Variants in GSKIP observed in about 807,000 individuals in gnomAD.
GSKIP encodes the protein GSK3B-interacting protein.
Under a neutral mutation model 11.9 loss-of-function variants are expected in GSKIP, and 5 were observed. The ratio of observed to expected loss-of-function variants is 0.42; its 90% CI spans 0.22 to 0.89. The LOEUF (loss-of-function observed/expected upper bound fraction) is 0.89. Ranked by LOEUF, GSKIP falls within the 40% of genes least tolerant of loss-of-function variation. GSKIP has a pLI of 0.29. For synonymous variants in GSKIP, 70 were observed against 62.9 expected (o/e 1.11, Z -0.54); for missense variants, 150 against 166.6 (o/e 0.90, Z 0.55).
intron 1 of GSKIP, among the ~76,000 whole-genome samples, chr14:96,371,442 CTTTTTTTTT>C (rs570686090): frequency 8.9e-6 from 1 of 112,800 alleles, no homozygotes; most frequent in Non-Finnish European, 1.8e-5. Context: ...TATCAACAAT[CTTTTTTTTT>C]TTTTTTTTTT....
chr14:96,367,722 A>G (rs1463546107), intron 1 of GSKIP, among the ~76,000 whole-genome samples: 1 of 152,268 alleles, frequency 6.6e-6, no homozygotes, highest in Non-Finnish European at 1.5e-5. Flanking sequence ...TGAATCCTCC[A>G]AAAACACAAA....
chr14:96,371,026 T>C (rs1218084080), intron 1 of GSKIP, among the ~76,000 whole-genome samples: 1 of 152,218 alleles, frequency 6.6e-6, no homozygotes, highest in Non-Finnish European at 1.5e-5. Context: ...TTTGTGATAC[T>C]ACACATGATT....
At position 96,385,665 on chromosome 14, in the gene GSKIP, A is replaced by C; in HGVS notation, c.401A>C (p.Lys134Thr). Residue 134 changes from lysine to threonine, a missense_variant, in exon 4 of 4, where the codon AAA (lysine) becomes ACA (threonine). Coordinates refer to ENST00000555181, the MANE Select transcript of GSKIP (RefSeq NM_016472.5). ...CTGCTTCAAAGACTGGAAGCTTTGA[A>C]AAGAGATGGACAGTCATGACTACAC... ...NALLQRLEALKRDGQS is the reference protein window; with the variant it reads ...NALLQRLEALTRDGQS The C allele has an allele frequency of 6.2e-7, 1 of 1,612,844 alleles. No homozygotes were observed. The highest frequency in any genetic ancestry group is 8.5e-7 in the Non-Finnish European group (1 of 1,179,576).
At chr14:96,379,353 A>G (rs1211363632) in intron 1 of GSKIP, among the ~76,000 whole-genome samples, 1 of 152,142 alleles carries the variant, frequency 6.6e-6, no homozygotes, top group Non-Finnish European at 1.5e-5. Flanking sequence ...TAGTTTGAAG[A>G]GTCTGTATCT....
At chr14:96,380,946 A>G (rs1332757299) in intron 2 of GSKIP, among the ~76,000 whole-genome samples, 2 of 152,204 alleles carry the variant, frequency 1.3e-5, no homozygotes, top group Non-Finnish European at 2.9e-5. Flanking sequence ...GACCTTGACC[A>G]CAGTGCCCAA....
chr14:96,380,639 T>C (rs1352938644), intron 2 of GSKIP, among the ~76,000 whole-genome samples: 3 of 152,226 alleles, frequency 2.0e-5, no homozygotes, highest in Admixed American at 6.5e-5. Context: ...GAAATAGCAA[T>C]GGACTGTGCA....
intron 1 of GSKIP, among the ~76,000 whole-genome samples, chr14:96,370,840 T>G (rs933897301): frequency 6.6e-6 from 1 of 152,192 alleles, no homozygotes; most frequent in Middle Eastern, 3.2e-3. Context: ...GCCTCACATA[T>G]TTCTTTACAG....
intron 1 of GSKIP, among the ~76,000 whole-genome samples, chr14:96,367,223 T>C (rs2139926715): frequency 6.6e-6 from 1 of 152,366 alleles, no homozygotes; most frequent in South Asian, 2.1e-4. Flanking sequence ...AGGTAGATGC[T>C]ATTTTAACAT....
intron 2 of GSKIP, 62 bp from the exon 3 acceptor site, chr14:96,382,185 T>G: frequency 8.7e-7 from 1 of 1,153,436 alleles, no homozygotes. Context: ...TTTAATCAAA[T>G]GTAGTAGTTT....
At position 96,382,237 on chromosome 14, in the gene GSKIP, T is replaced by C. The variant is rs544358651; in HGVS notation, c.-1-10T>C. On this transcript the variant is annotated splice_polypyrimidine_tract_variant and intron_variant, in intron 2 of 3. Coordinates refer to ENST00000555181, the MANE Select transcript of GSKIP (RefSeq NM_016472.5). ...ACAAATTTTATAACTGCTTTTTTTT[T>C]TTTTTACAGAATGGAAACAGACTGT... The C allele has an allele frequency of 1.9e-6, 3 of 1,546,094 alleles. No individual in the cohort carries two copies. Among genetic ancestry groups the C allele is most frequent in the Non-Finnish European group, 2.6e-6 (3 of 1,149,698 alleles).
At chr14:96,374,355 T>C (rs1889139402) in intron 1 of GSKIP, among the ~76,000 whole-genome samples, 1 of 151,928 alleles carries the variant, frequency 6.6e-6, no homozygotes, top group Non-Finnish European at 1.5e-5. Context: ...TTTGAAGAAA[T>C]AATGGCCAGA....
intron 3 of GSKIP, 42 bp downstream of exon 3, chr14:96,382,547 T>C (rs771146622): frequency 9.4e-6 from 14 of 1,482,410 alleles, no homozygotes; most frequent in Non-Finnish European, 1.3e-5. Flanking sequence ...TATTTATGTC[T>C]TTACCACTTT....
intron 1 of GSKIP, among the ~76,000 whole-genome samples, chr14:96,372,249 T>A (rs1331765063): frequency 6.6e-6 from 1 of 152,232 alleles, no homozygotes; most frequent in Non-Finnish European, 1.5e-5. Context: ...TTCTCTGTTT[T>A]ATTCATTCAG....
rs117085320 is a variant in GSKIP, at chr14:96,372,849, G to A, written c.-102-6839G>A. ...GCTTCACAGAAAGCAAGGACTGTGA[G>A]GATATAGGAAGGGTCTCCCTCCAGC... On this transcript the variant is annotated intron_variant, in intron 1 of 3. Transcript: ENST00000555181. Among the ~76,000 whole-genome samples, 673 of 152,300 alleles carry A rather than the reference G, an allele frequency of 4.4e-3. 25 individuals carry two copies. The South Asian group carries it at 0.067, about 15-fold the overall frequency.
chr14:96,371,628 G>A (rs1399605744), intron 1 of GSKIP, among the ~76,000 whole-genome samples: 3 of 151,898 alleles, frequency 2.0e-5, no homozygotes, highest in Non-Finnish European at 2.9e-5. Flanking sequence ...TCTATTTTTA[G>A]TAGAGATGGG....
rs554507712 is a variant in GSKIP at position 96,365,785 on chromosome 14, G to C, written c.-103+2217G>C. Among the ~76,000 whole-genome samples the C allele has an allele frequency of 1.1e-4, 17 of 152,114 alleles. 1 individual carries two copies. Among genetic ancestry groups the C allele is most frequent in the African/African-American group, 4.1e-4 (17 of 41,522 alleles). On this transcript the variant is annotated intron_variant, in intron 1 of 3. Coordinates refer to ENST00000555181, the MANE Select transcript of GSKIP (RefSeq NM_016472.5). The stretch of plus-strand genomic sequence containing the variant: ...AGAGGCGGAGGTTGCAGTGAGCCGA[G>C]ATTGTGCCACTGCACTCCAGCCTGG...
In GSKIP at chr14:96,363,968, G is replaced by A. The variant is rs530480357; in HGVS notation, c.-103+400G>A. 5.2e-5 allele frequency: 8 copies of A among 152,462 alleles called. No individual in the cohort carries two copies. The East Asian group carries it at 1.5e-3, about 29-fold the overall frequency. 9.4% of individuals were successfully genotyped at this position (152,462 alleles called of 1,614,324 possible). ...GCTTCTTCGTTGCCGTTTGCCTGGC[G>A]GTTTGCAGAGCGCTTCTCGCATACG... On this transcript the variant is annotated intron_variant, in intron 1 of 3. Coordinates refer to ENST00000555181, the MANE Select transcript of GSKIP (RefSeq NM_016472.5).
In GSKIP at chr14:96,373,695, A is replaced by G. The variant is rs569950667; in HGVS notation, c.-102-5993A>G. Among the ~76,000 whole-genome samples the G allele has an allele frequency of 4.6e-5, 7 of 152,174 alleles. 1 individual carries two copies. Among genetic ancestry groups the G allele is most frequent in the African/African-American group, 1.7e-4 (7 of 41,518 alleles). On this transcript the variant is annotated intron_variant, in intron 1 of 3. Transcript: ENST00000555181. Reference sequence around the variant, plus strand: ...ATCACACAGAATAGAAACCCTCGTAATTCATAGGGCATTGGGTAGAGTACT... The same window carrying G: ...ATCACACAGAATAGAAACCCTCGTAGTTCATAGGGCATTGGGTAGAGTACT...
chr14:96,367,141 C>T (rs1434909273), intron 1 of GSKIP, among the ~76,000 whole-genome samples: 2 of 152,172 alleles, frequency 1.3e-5, no homozygotes, highest in African/African-American at 4.8e-5. Context: ...TATATTTTTT[C>T]AGCTGTTTGC....
Sources: allele counts gnomAD v4.1 joint callset (sites outside exome capture counted in the v4.1 genomes callset), GRCh38; gene constraint gnomAD v4.1.1; transcripts MANE v1.5; gene names NCBI Gene and HGNC (gene_info 2026-07-23, HGNC 2026-07-21).